Variants in STK3 observed in about 807,000 individuals in gnomAD.
STK3 encodes serine/threonine-protein kinase 3.
A neutral mutation model predicts 58.0 loss-of-function variants in STK3; 41 were observed. The observed-to-expected ratio is 0.71, with a 90% CI of 0.55 to 0.92. The LOEUF is 0.92. Ranked by LOEUF, STK3 falls within the 40% of genes least tolerant of loss-of-function variation. STK3 has a pLI of 0.00. For synonymous variants in STK3, 170 were observed against 191.0 expected (o/e 0.89, Z 0.91); for missense variants, 479 against 602.7 (o/e 0.79, Z 2.15).
At chr8:98,752,331 A>G (rs182194748) in intron 3 of STK3, among the ~76,000 whole-genome samples, 56 of 152,328 alleles carry the variant, frequency 3.7e-4, no homozygotes, top group African/African-American at 1.3e-3. Flanking sequence ...AAACCTGACA[A>G]TAACAGGCAA....
rs148338028 is a variant in STK3 at position 98,541,397 on chromosome 8, A to G, written c.1141+6572T>C. On this transcript the variant is annotated intron_variant, in intron 9 of 10. Transcript: ENST00000419617. ...TGCTCTTTCTCCCGTTCAGCCATGT[A>G]GGACGTGCCAGCTTCCCCGTCCCCT... Among the ~76,000 whole-genome samples, 437 of 152,220 alleles carry G rather than the reference A, an allele frequency of 2.9e-3. 3 individuals are homozygous for G. Among genetic ancestry groups the G allele is most frequent in the African/African-American group, 0.01 (416 of 41,530 alleles).
chr8:98,494,166 C>T (rs1280949658), intron 10 of STK3, among the ~76,000 whole-genome samples: 2 of 152,182 alleles, frequency 1.3e-5, no homozygotes, highest in East Asian at 3.9e-4. Context: ...ATAAACGCTG[C>T]TGCCTACTCT....
intron 6 of STK3, among the ~76,000 whole-genome samples, chr8:98,701,186 A>AAGGG (rs371125769): frequency 0.018 from 2,419 of 138,216 alleles, 100 homozygotes; most frequent in African/African-American, 0.06. Context: ...GGATGGAAGG[A>AAGGG]AGGGAGGGAG....
intron 1 of STK3, among the ~76,000 whole-genome samples, chr8:98,913,361 A>G (rs1170170587): frequency 1.3e-5 from 2 of 152,270 alleles, no homozygotes; most frequent in East Asian, 1.9e-4. Context: ...AGAGAAATAA[A>G]AACTTCTATA....
At chr8:98,373,615 C>CT (rs1817635758) in intron 2 of STK3, among the ~76,000 whole-genome samples, 1 of 152,210 alleles carries the variant, frequency 6.6e-6, no homozygotes, top group Non-Finnish European at 1.5e-5. Context: ...GGACCCAGGA[C>CT]TGAACCCAGG....
At chr8:98,484,727 T>C (rs1280300363) in intron 10 of STK3, among the ~76,000 whole-genome samples, 2 of 151,986 alleles carry the variant, frequency 1.3e-5, no homozygotes, top group East Asian at 3.8e-4. Flanking sequence ...TAATAAGGAT[T>C]AGAAAATACT....
intron 6 of STK3, among the ~76,000 whole-genome samples, chr8:98,700,225 A>G (rs1050618569): frequency 6.6e-6 from 1 of 152,180 alleles, no homozygotes; most frequent in Non-Finnish European, 1.5e-5. Context: ...GGAAAAGCGC[A>G]GTATTAGGGT....
chr8:98,557,058 C>A (rs551831628), intron 8 of STK3, among the ~76,000 whole-genome samples: 1 of 152,128 alleles, frequency 6.6e-6, no homozygotes, highest in Non-Finnish European at 1.5e-5. Context: ...GAAATGAAAT[C>A]TAATTATTCA....
chr8:98,586,454 AT>A (rs1357440267), intron 7 of STK3, among the ~76,000 whole-genome samples: 22 of 149,922 alleles, frequency 1.5e-4, no homozygotes, highest in Non-Finnish European at 3.1e-4. Context: ...AGCCCACTTG[AT>A]CATGGTGGAT....
At chr8:98,468,442 T>C (rs1051383362) in intron 10 of STK3, among the ~76,000 whole-genome samples, 1 of 152,192 alleles carries the variant, frequency 6.6e-6, no homozygotes, top group Non-Finnish European at 1.5e-5. Context: ...GAAAAAAGGA[T>C]AGGAGGCTCT....
intron 8 of STK3, among the ~76,000 whole-genome samples, chr8:98,572,107 A>T (rs1813016109): frequency 6.6e-6 from 1 of 152,240 alleles, no homozygotes; most frequent in Admixed American, 6.5e-5. Context: ...TTAAAAACTC[A>T]TTCAAGTACC....
chr8:98,697,266 T>A (rs986431529), intron 6 of STK3, among the ~76,000 whole-genome samples: 6 of 152,208 alleles, frequency 3.9e-5, no homozygotes, highest in Non-Finnish European at 7.3e-5. Context: ...TTATTAGTCT[T>A]GCTAGCGGTC....
chr8:98,527,696 C>G (rs1825855388), intron 9 of STK3, among the ~76,000 whole-genome samples: 1 of 151,994 alleles, frequency 6.6e-6, no homozygotes, highest in Non-Finnish European at 1.5e-5. Context: ...ACTCAGTTTC[C>G]TCTTATATTT....
chr8:98,851,740 C>T lies in STK3; in HGVS notation c.110+31907G>A, dbSNP rs183467884. On this transcript the variant is annotated intron_variant, in intron 3 of 12. Coordinates refer to the STK3 transcript ENST00000523601. ...CTGTGGAAGGTAGAGGCAGGAGAAT[C>T]GCTTGAGGCCAGGAGTTTGAGACCA... 6.0e-4 allele frequency among the ~76,000 whole-genome samples: 91 copies of T among 152,256 alleles called. 1 individual carries two copies. Among genetic ancestry groups the T allele is most frequent in the African/African-American group, 1.8e-3 (74 of 41,572 alleles).
chr8:98,782,521 C>A, intron 1 of STK3: 1 of 316,244 alleles, frequency 3.2e-6, no homozygotes, highest in South Asian at 3.4e-5. Flanking sequence ...AGGCAGAGGC[C>A]TGCTGGTCTA....
At chr8:98,348,262 A>G in the STK3 span, among the ~76,000 whole-genome samples, 1 of 152,226 alleles carries the variant, frequency 6.6e-6, no homozygotes, top group Non-Finnish European at 1.5e-5. Context: ...GTAGCTCAAA[A>G]TGGATCATAA....
intron 3 of STK3, among the ~76,000 whole-genome samples, chr8:98,833,741 A>C (rs118004426): frequency 4.6e-5 from 7 of 152,242 alleles, no homozygotes; most frequent in Admixed American, 3.9e-4. Context: ...CATAACCTGA[A>C]CTAGTTTTTC....
chr8:98,787,927 A>C (rs1832570314), intron 1 of STK3, among the ~76,000 whole-genome samples: 1 of 152,212 alleles, frequency 6.6e-6, no homozygotes, highest in Non-Finnish European at 1.5e-5. Context: ...AAAACTGCTA[A>C]AAGGAGCTCT....
At chr8:98,448,235 T>A (rs1333313456) in intron 1 of STK3, among the ~76,000 whole-genome samples, 1 of 152,182 alleles carries the variant, frequency 6.6e-6, no homozygotes, top group African/African-American at 2.4e-5. Flanking sequence ...AACTGATTTA[T>A]GGTCGTCAGC....
Sources: allele counts gnomAD v4.1 joint callset (sites outside exome capture counted in the v4.1 genomes callset), GRCh38; gene constraint gnomAD v4.1.1; transcripts MANE v1.5; gene names NCBI Gene and HGNC (gene_info 2026-07-23, HGNC 2026-07-21).